The following ME3 variants were observed in gnomAD, a reference collection of about 807,000 sequenced individuals.
ME3 encodes NADP-dependent malic enzyme, mitochondrial.
In ME3, 48 loss-of-function variants were observed where a neutral mutation model predicts 68.9. That is an observed-to-expected ratio of 0.70 (90% CI 0.55 to 0.89). ME3 has a LOEUF of 0.89. ME3 is among the 40% of genes least tolerant of loss of function. ME3 has a pLI of 0.00. For synonymous variants in ME3, 320 were observed against 318.8 expected (o/e 1.00, Z -0.04); for missense variants, 675 against 797.4 (o/e 0.85, Z 1.85).
chr11:86,518,025 A>C (rs1264621683), intron 4 of ME3, among the ~76,000 whole-genome samples: 1 of 152,220 alleles, frequency 6.6e-6, no homozygotes, highest in Non-Finnish European at 1.5e-5. Flanking sequence ...TAAATTCTCC[A>C]AAAGCGGTAG....
intron 7 of ME3, among the ~76,000 whole-genome samples, chr11:86,486,096 A>G (rs1203457675): frequency 6.6e-6 from 1 of 151,870 alleles, no homozygotes; most frequent in African/African-American, 2.4e-5. Context: ...ACATCTACCC[A>G]CCTGCCCCAT....
At chr11:86,471,296 C>T (rs1323861352) in intron 7 of ME3, among the ~76,000 whole-genome samples, 4 of 151,878 alleles carry the variant, frequency 2.6e-5, no homozygotes, top group African/African-American at 9.7e-5. Flanking sequence ...CCACCAAGCC[C>T]AGCTAATTTT....
intron 2 of ME3, among the ~76,000 whole-genome samples, chr11:86,596,207 A>AC (rs1237646720): frequency 6.6e-6 from 1 of 152,124 alleles, no homozygotes; most frequent in African/African-American, 2.4e-5. Flanking sequence ...AAGCATACAT[A>AC]CCCCATAATG....
intron 2 of ME3, among the ~76,000 whole-genome samples, chr11:86,653,975 C>G (rs910742694): frequency 3.3e-5 from 5 of 152,176 alleles, no homozygotes; most frequent in African/African-American, 9.7e-5. Flanking sequence ...CACCTCTACA[C>G]AAATAAACTA....
intron 2 of ME3, among the ~76,000 whole-genome samples, chr11:86,671,290 C>A (rs979977854): frequency 6.6e-6 from 1 of 152,190 alleles, no homozygotes; most frequent in Non-Finnish European, 1.5e-5. Context: ...ATAATCATAA[C>A]CTTATTTATT....
At chr11:86,471,562 T>G (rs1950786160) in intron 7 of ME3, among the ~76,000 whole-genome samples, 1 of 152,250 alleles carries the variant, frequency 6.6e-6, no homozygotes, top group Non-Finnish European at 1.5e-5. Context: ...CACATTGTAT[T>G]ACAATTACTT....
At chr11:86,616,144 T>G (rs1942942986) in intron 2 of ME3, among the ~76,000 whole-genome samples, 1 of 152,246 alleles carries the variant, frequency 6.6e-6, no homozygotes, top group East Asian at 1.9e-4. Flanking sequence ...TTGGTAAATA[T>G]CTTTTTAAAA....
At chr11:86,519,245 G>A (rs1782630460) in intron 4 of ME3, among the ~76,000 whole-genome samples, 1 of 152,150 alleles carries the variant, frequency 6.6e-6, no homozygotes, top group Non-Finnish European at 1.5e-5. Context: ...TCCTCCATCT[G>A]ACAAAGGCAT....
At chr11:86,506,812 G>T (rs1044190388) in intron 5 of ME3, among the ~76,000 whole-genome samples, 4 of 152,180 alleles carry the variant, frequency 2.6e-5, no homozygotes, top group African/African-American at 7.2e-5. Context: ...GACCCCAGCA[G>T]CATATCCACT....
intron 2 of ME3, among the ~76,000 whole-genome samples, chr11:86,595,614 C>G (rs574915764): frequency 6.6e-6 from 1 of 152,270 alleles, no homozygotes; most frequent in South Asian, 2.1e-4. Context: ...TCCTATGAAC[C>G]AGGCACTGTG....
At chr11:86,661,737 A>G (rs1450448260) in intron 2 of ME3, among the ~76,000 whole-genome samples, 3 of 152,086 alleles carry the variant, frequency 2.0e-5, no homozygotes, top group Admixed American at 6.6e-5. Context: ...GTATGAATGC[A>G]CCTCTCGTTA....
At chr11:86,540,466 G>T (rs1415585467) in intron 4 of ME3, among the ~76,000 whole-genome samples, 1 of 152,068 alleles carries the variant, frequency 6.6e-6, no homozygotes, top group Non-Finnish European at 1.5e-5. Flanking sequence ...AGTGGATAGG[G>T]GTTTGGTATG....
chr11:86,447,114 G>A (rs767376114), exon 12 of ME3: 2 of 1,614,190 alleles, frequency 1.2e-6, no homozygotes, highest in South Asian at 2.2e-5. Flanking sequence ...CTTGCTGGTG[G>A]GGTTGCTCAG....
intron 4 of ME3, among the ~76,000 whole-genome samples, chr11:86,520,612 C>A (rs539061213): frequency 3.7e-4 from 57 of 152,300 alleles, no homozygotes; most frequent in African/African-American, 1.3e-3. Context: ...CTTGGCCCTG[C>A]CCTTTCTCTG....
At chr11:86,610,727 G>A (rs567127859) in intron 2 of ME3, among the ~76,000 whole-genome samples, 10 of 134,364 alleles carry the variant, frequency 7.4e-5, no homozygotes, top group Admixed American at 1.5e-4. Context: ...TGGCGGGGGG[G>A]CAGGGTCTGT....
intron 4 of ME3, among the ~76,000 whole-genome samples, chr11:86,516,512 C>A (rs1953916794): frequency 6.6e-6 from 1 of 152,112 alleles, no homozygotes; most frequent in African/African-American, 2.4e-5. Flanking sequence ...CTCAGCTCCC[C>A]AAGTAGCTGG....
intron 5 of ME3, among the ~76,000 whole-genome samples, chr11:86,506,977 C>A (rs1020585719): frequency 6.6e-6 from 1 of 152,166 alleles, no homozygotes; most frequent in Non-Finnish European, 1.5e-5. Flanking sequence ...AGCAGATAAG[C>A]AGGAGGGAGA....
At chr11:86,453,740 C>G (rs760112713) in intron 8 of ME3, among the ~76,000 whole-genome samples, 1 of 152,112 alleles carries the variant, frequency 6.6e-6, no homozygotes, top group Non-Finnish European at 1.5e-5. Flanking sequence ...ATCTGGCAGC[C>G]CCACAGCCTT....
chr11:86,595,263 A>G (rs1424982900), intron 2 of ME3, among the ~76,000 whole-genome samples: 2 of 139,192 alleles, frequency 1.4e-5, no homozygotes, highest in Admixed American at 8.2e-5. Flanking sequence ...AATTTTCAGA[A>G]TACTCTATTT....
Sources: allele counts gnomAD v4.1 joint callset (sites outside exome capture counted in the v4.1 genomes callset), GRCh38; gene constraint gnomAD v4.1.1; transcripts MANE v1.5; gene names NCBI Gene and HGNC (gene_info 2026-07-23, HGNC 2026-07-21).